The following NRCAM variants were observed in gnomAD, a reference collection of about 807,000 sequenced individuals.
The protein encoded by NRCAM is NgCAM-related cell adhesion molecule.
A neutral mutation model predicts 156.5 loss-of-function variants in NRCAM; 83 were observed. That is an observed-to-expected ratio of 0.53 (90% CI 0.44 to 0.64). The LOEUF (loss-of-function observed/expected upper bound fraction) is 0.64, where lower values mean the gene tolerates loss of function less well. Among genes scored for constraint, NRCAM ranks in the 30% least tolerant of loss-of-function variants. The pLI, the probability that NRCAM is intolerant of heterozygous loss-of-function variation, is 0.00. For synonymous variants in NRCAM, 538 were observed against 563.9 expected (o/e 0.95, Z 0.65); for missense variants, 1,417 against 1,597.3 (o/e 0.89, Z 1.92).
At chr7:108,403,854 T>C (rs985633197) in intron 1 of NRCAM, among the ~76,000 whole-genome samples, 1 of 152,200 alleles carries the variant, frequency 6.6e-6, no homozygotes, top group Non-Finnish European at 1.5e-5. Flanking sequence ...AGGTCATCGG[T>C]ATCCCCTTGC....
At chr7:108,355,440 G>A (rs2099486626) in intron 2 of NRCAM, among the ~76,000 whole-genome samples, 1 of 152,040 alleles carries the variant, frequency 6.6e-6, no homozygotes, top group African/African-American at 2.4e-5. Flanking sequence ...AAGTACAAGG[G>A]GATGAAAGAT....
At chr7:108,340,159 T>A (rs6967405) in intron 2 of NRCAM, among the ~76,000 whole-genome samples, 37,466 of 151,336 alleles carry the variant, frequency 0.25, 4,962 homozygotes, top group Admixed American at 0.3. Flanking sequence ...TGACTCCTTC[T>A]CCAACTAATA....
chr7:108,228,182 CG>C (rs1193056884), intron 8 of NRCAM, among the ~76,000 whole-genome samples: 1 of 152,018 alleles, frequency 6.6e-6, no homozygotes, highest in Non-Finnish European at 1.5e-5. Flanking sequence ...ATTAGCCAGG[CG>C]TGGTGGTTTG....
At chr7:108,198,859 G>A (rs1163702610) in intron 13 of NRCAM, among the ~76,000 whole-genome samples, 1 of 152,164 alleles carries the variant, frequency 6.6e-6, no homozygotes. Context: ...TAAAACGTTA[G>A]GAACAGGCTT....
chr7:108,413,308 G>T (rs2154418738), intron 1 of NRCAM, among the ~76,000 whole-genome samples: 1 of 152,170 alleles, frequency 6.6e-6, no homozygotes, highest in South Asian at 2.1e-4. Context: ...TCATATATCT[G>T]TTGCCCATTT....
chr7:108,175,944 C>T (rs541817341), intron 27 of NRCAM, among the ~76,000 whole-genome samples: 131 of 152,144 alleles, frequency 8.6e-4, no homozygotes, highest in African/African-American at 2.4e-3. Context: ...ATAACTGTTT[C>T]GATTTCCTTG....
At chr7:108,234,767 A>G in intron 5 of NRCAM, 79 bp from the exon 6 acceptor site, 1 of 968,362 alleles carries the variant, frequency 1.0e-6, no homozygotes, top group Non-Finnish European at 1.7e-6. Flanking sequence ...CTGTATCAAA[A>G]TCACTTACCT....
intron 14 of NRCAM, among the ~76,000 whole-genome samples, chr7:108,197,657 TAGC>T (rs2075865011): frequency 6.6e-6 from 1 of 152,218 alleles, no homozygotes; most frequent in Non-Finnish European, 1.5e-5. Flanking sequence ...CAGTTGCTAA[TAGC>T]AGACAAATGC....
At chr7:108,361,943 T>C (rs117343714) in intron 2 of NRCAM, among the ~76,000 whole-genome samples, 761 of 152,238 alleles carry the variant, frequency 5.0e-3, no homozygotes, top group Non-Finnish European at 8.1e-3. Context: ...AATTCGGCAG[T>C]TTTTCTCCCA....
At chr7:108,209,170 T>C (rs905241969) in intron 12 of NRCAM, among the ~76,000 whole-genome samples, 1 of 152,234 alleles carries the variant, frequency 6.6e-6, no homozygotes, top group Non-Finnish European at 1.5e-5. Flanking sequence ...GGGATTCTAA[T>C]ATTGACTTTT....
In NRCAM at chr7:108,155,123, CACACACACACACACACACACAT is replaced by C. The variant is rs1563168513; in HGVS notation, c.3677+4318_3677+4339del. Reference sequence around the variant, plus strand: ...ATATACACACACACACACACACACACACACACACACACACACACACATATAGCAGACCTTGATTTTAATCAAG... The same window carrying C: ...ATATACACACACACACACACACACACATAGCAGACCTTGATTTTAATCAAG... On this transcript the variant is annotated intron_variant, in intron 32 of 32. Coordinates refer to ENST00000379028, the MANE Select transcript of NRCAM (RefSeq NM_001037132.4). 6.0e-3 allele frequency among the ~76,000 whole-genome samples: 898 copies of C among 149,144 alleles called. 10 individuals carry two copies. Among genetic ancestry groups the C allele is most frequent in the African/African-American group, 0.021 (845 of 40,794 alleles).
chr7:108,357,444 C>T (rs1357573096), intron 2 of NRCAM, among the ~76,000 whole-genome samples: 1 of 151,706 alleles, frequency 6.6e-6, no homozygotes, highest in African/African-American at 2.4e-5. Flanking sequence ...AGCAATTCTG[C>T]TTCAGCTTCC....
chr7:108,232,445 G>A lies in NRCAM; in HGVS notation c.308C>T (p.Thr103Met), dbSNP rs749483134. The change falls in exon 7 of 33, where the codon ACG becomes ATG. Residue 103 changes from threonine (T) to methionine (M), a missense_variant. Physicochemically the swap from Thr to Met is moderately conservative, Grantham distance 81 (BLOSUM62 -1). Transcript: ENST00000379028. ...TTCGCTCATGATGTTAATTATGAGC[G>A]TTCCTGTGCCAGGCTTCATGGTGAC... Reference protein sequence around the residue: ...PLVTMKPGTGTLIINIMSEGK... With the variant: ...PLVTMKPGTGMLIINIMSEGK... 18 of 1,613,422 alleles carry A rather than the reference G, an allele frequency of 1.1e-5. No individual in the cohort carries two copies. The highest frequency in any genetic ancestry group is 5.5e-5 in the South Asian group (5 of 91,058).
rs181756473 is a variant in NRCAM at position 108,310,090 on chromosome 7, C to T, written c.-107+2575G>A. ...CCAAGGGAAAGAACAAATTTCAAGTCATCCACAAAAACAGTCAGTAAATGA... is the reference window on the plus strand; with the variant it reads ...CCAAGGGAAAGAACAAATTTCAAGTTATCCACAAAAACAGTCAGTAAATGA... On this transcript the variant is annotated intron_variant, in intron 3 of 32. Coordinates refer to ENST00000379028, the MANE Select transcript of NRCAM (RefSeq NM_001037132.4). Among the ~76,000 whole-genome samples the T allele has an allele frequency of 4.6e-5, 7 of 152,266 alleles. No individual in the cohort carries two copies. In the East Asian group the frequency reaches 1.4e-3, roughly 29 times the overall value.
chr7:108,432,622 C>G (rs2154464802), intron 1 of NRCAM, among the ~76,000 whole-genome samples: 1 of 152,304 alleles, frequency 6.6e-6, no homozygotes, highest in South Asian at 2.1e-4. Context: ...AAACTGGAGT[C>G]TTGGGCGAGG....
In NRCAM at chr7:108,454,700, T is replaced by G. The variant is rs374546219; in HGVS notation, c.-332+1543A>C. Among the ~76,000 whole-genome samples the G allele has an allele frequency of 2.4e-4, 36 of 152,196 alleles. 1 individual carries two copies. The South Asian group carries it at 6.9e-3, about 29-fold the overall frequency. ...AGCCTCCGAGGTTTGTATTCAGAGGTTACTGTGTTCCTTTCCAGGACCACC... is the reference window on the plus strand; with the variant it reads ...AGCCTCCGAGGTTTGTATTCAGAGGGTACTGTGTTCCTTTCCAGGACCACC... On this transcript the variant is annotated intron_variant, in intron 1 of 32. Transcript: ENST00000379028.
intron 3 of NRCAM, among the ~76,000 whole-genome samples, chr7:108,299,491 C>A (rs969770849): frequency 1.3e-5 from 2 of 151,992 alleles, no homozygotes; most frequent in African/African-American, 2.4e-5. Context: ...GATAAGAATA[C>A]CCAATGTAAT....
intron 2 of NRCAM, among the ~76,000 whole-genome samples, chr7:108,323,032 G>A (rs1323806320): frequency 3.3e-5 from 5 of 152,168 alleles, no homozygotes; most frequent in African/African-American, 7.2e-5. Context: ...CCTAAGTGCT[G>A]TATAAATGTT....
At chr7:108,232,238 T>C in intron 7 of NRCAM, 88 bp downstream of exon 7, 10 of 956,518 alleles carry the variant, frequency 1.0e-5, no homozygotes, top group Non-Finnish European at 1.6e-5. Context: ...CACTGCTTTG[T>C]TGAATAGTAT....
Sources: gnomAD v4.1 joint callset for allele counts (sites outside exome capture counted in the v4.1 genomes callset) on GRCh38, gnomAD v4.1.1 for gene constraint, MANE v1.5 for transcripts, NCBI Gene and HGNC (gene_info 2026-07-23, HGNC 2026-07-21) for gene names.